SLCO3A1: variants seen among roughly 807,000 people sequenced by gnomAD.
The protein encoded by SLCO3A1 is solute carrier organic anion transporter family member 3A1.
SLCO3A1 carries 27 observed loss-of-function variants against 63.1 expected under a neutral mutation model. The observed-to-expected ratio is 0.43, with a 90% CI of 0.32 to 0.59. SLCO3A1 has a LOEUF of 0.59. Ranked by LOEUF, SLCO3A1 falls within the 20% of genes least tolerant of loss-of-function variation. The pLI is 0.09. For synonymous variants in SLCO3A1, 473 were observed against 409.9 expected, an observed-to-expected ratio of 1.15 and a Z score of -1.86; for missense variants, 773 against 945.8, an observed-to-expected ratio of 0.82 and a Z score of 2.40.
intron 2 of SLCO3A1, among the ~76,000 whole-genome samples, chr15:92,074,374 C>A (rs1483909697): frequency 6.6e-6 from 1 of 152,188 alleles, no homozygotes; most frequent in African/African-American, 2.4e-5. Context: ...CAATTTGTCT[C>A]TTCCCTCTCC....
intron 2 of SLCO3A1, among the ~76,000 whole-genome samples, chr15:92,079,277 C>T (rs1266712532): frequency 6.6e-6 from 1 of 152,204 alleles, no homozygotes; most frequent in Non-Finnish European, 1.5e-5. Context: ...AGTGTTGGCC[C>T]ACATGATCCC....
chr15:91,921,456 A>G (rs1164196375), intron 2 of SLCO3A1, among the ~76,000 whole-genome samples: 1 of 151,952 alleles, frequency 6.6e-6, no homozygotes, highest in Non-Finnish European at 1.5e-5. Context: ...TACCAAACCA[A>G]GACTACACTC....
intron 2 of SLCO3A1, among the ~76,000 whole-genome samples, chr15:91,965,864 G>A (rs1241811644): frequency 6.6e-6 from 1 of 152,078 alleles, no homozygotes; most frequent in Non-Finnish European, 1.5e-5. Context: ...TTAGTCGATT[G>A]AGCCAGTCCA....
At chr15:92,001,152 A>G (rs987827611) in intron 2 of SLCO3A1, among the ~76,000 whole-genome samples, 10 of 139,716 alleles carry the variant, frequency 7.2e-5, no homozygotes, top group African/African-American at 2.7e-4. Flanking sequence ...ACAACCTTAA[A>G]CCATTTTCTC....
intron 4 of SLCO3A1, among the ~76,000 whole-genome samples, chr15:92,118,292 G>GTTA (rs1567129638): frequency 6.6e-6 from 1 of 152,180 alleles, no homozygotes; most frequent in African/African-American, 2.4e-5. Context: ...ACCAGCTCTG[G>GTTA]TTATCATCTG....
intron 8 of SLCO3A1, among the ~76,000 whole-genome samples, chr15:92,150,294 G>A (rs373414079): frequency 6.6e-6 from 1 of 152,290 alleles, no homozygotes; most frequent in East Asian, 1.9e-4. Flanking sequence ...CCAGATTGAG[G>A]CTGGGTCTGC....
intron 2 of SLCO3A1, among the ~76,000 whole-genome samples, chr15:92,087,101 C>A (rs1171242081): frequency 1.3e-5 from 2 of 152,006 alleles, no homozygotes; most frequent in African/African-American, 4.8e-5. Context: ...GTCTCTGATC[C>A]ACCTGGAATT....
intron 2 of SLCO3A1, among the ~76,000 whole-genome samples, chr15:91,932,101 C>T (rs1597133051): frequency 6.6e-6 from 1 of 152,138 alleles, no homozygotes; most frequent in East Asian, 1.9e-4. Flanking sequence ...TATGATTGTT[C>T]ACTTCATCTT....
At chr15:91,975,291 G>C (rs1238267357) in intron 2 of SLCO3A1, among the ~76,000 whole-genome samples, 2 of 152,102 alleles carry the variant, frequency 1.3e-5, no homozygotes, top group Admixed American at 1.3e-4. Context: ...TTTGCCTGGA[G>C]CTGGCATGAT....
intron 2 of SLCO3A1, among the ~76,000 whole-genome samples, chr15:91,971,171 G>A (rs1206070912): frequency 2.6e-5 from 4 of 151,788 alleles, no homozygotes; most frequent in South Asian, 2.1e-4. Context: ...CGAGGCGGGC[G>A]GATCATGGGA....
chr15:92,004,661 T>C (rs1390332874), intron 2 of SLCO3A1, among the ~76,000 whole-genome samples: 1 of 152,226 alleles, frequency 6.6e-6, no homozygotes, highest in Non-Finnish European at 1.5e-5. Flanking sequence ...GGAAGGACAC[T>C]TTGAGTTTGG....
rs1442541961 is a variant in SLCO3A1, at chr15:91,859,945, G to T, written c.180+5857G>T. Among the ~76,000 whole-genome samples, 1 of 152,138 alleles carries T rather than the reference G, an allele frequency of 6.6e-6. No homozygotes were observed. Among genetic ancestry groups the T allele is most frequent in the Non-Finnish European group, 1.5e-5 (1 of 68,020 alleles). On this transcript the variant is annotated intron_variant, in intron 1 of 9. Coordinates refer to ENST00000318445, the MANE Select transcript of SLCO3A1 (RefSeq NM_013272.4). This position sits in a 1 kb window ranked among gnomAD's most constrained non-coding sequence, Gnocchi z 5.1. The stretch of plus-strand genomic sequence containing the variant: ...CTATTCTACATGGACATTTTTGTCT[G>T]GGAGGTAAAAAGTTTTTAAGGGCAA...
intron 7 of SLCO3A1, among the ~76,000 whole-genome samples, chr15:92,141,915 G>A (rs987349005): frequency 6.6e-6 from 1 of 152,180 alleles, no homozygotes; most frequent in African/African-American, 2.4e-5. Context: ...TCCCCTGCTG[G>A]AGAGGTTGCA....
Position 91,900,061 on chromosome 15 carries a change from C to T in SLCO3A1, c.181-15932C>T, listed in dbSNP as rs920239596. On this transcript the variant is annotated intron_variant, in intron 1 of 9. Transcript: ENST00000318445. The surrounding 1 kb of genome is among the most constrained non-coding windows in gnomAD (Gnocchi z 4.3). The stretch of plus-strand genomic sequence containing the variant: ...ACATTTTGTTTCTCTGTTAACCATT[C>T]ATGGATGTTTGAGTTGTTCCCAATG... Among the ~76,000 whole-genome samples, 1 of 152,086 alleles carries T rather than the reference C, an allele frequency of 6.6e-6. No individual in the cohort carries two copies. The highest frequency in any genetic ancestry group is 1.5e-5 in the Non-Finnish European group (1 of 68,004).
At position 91,986,941 on chromosome 15, in the gene SLCO3A1, G is replaced by T. The variant is rs144349127; in HGVS notation, c.646+70483G>T. ...CCCATAAATTCTGGTAGCTGTCAGC[G>T]GTCAAGAGAGAGGAAGGTTGGTGGT... is the stretch of plus-strand genomic sequence containing the variant. On this transcript the variant is annotated intron_variant, in intron 2 of 9. Transcript: ENST00000318445. 2.6e-5 allele frequency among the ~76,000 whole-genome samples: 4 copies of T among 152,250 alleles called. No homozygotes were observed. In the East Asian group the frequency reaches 7.7e-4, roughly 29 times the overall value.
chr15:91,906,438 G>A (rs1898311215), intron 1 of SLCO3A1, among the ~76,000 whole-genome samples: 1 of 152,204 alleles, frequency 6.6e-6, no homozygotes, highest in Admixed American at 6.5e-5. Context: ...TGCCTATCCA[G>A]CCCCTGGCAT....
At chr15:92,025,184 T>A (rs1044333328) in intron 2 of SLCO3A1, among the ~76,000 whole-genome samples, 1 of 148,578 alleles carries the variant, frequency 6.7e-6, no homozygotes, top group East Asian at 2.0e-4. Context: ...TTTTTTTTGC[T>A]TTTAAAAAAT....
chr15:92,120,734 G>A, intron 5 of SLCO3A1, 105 bp downstream of exon 5: 1 of 916,228 alleles, frequency 1.1e-6, no homozygotes, highest in East Asian at 2.5e-5. Flanking sequence ...TCTGCTCTGG[G>A]CCTACAGCAA....
At chr15:92,051,834 A>G (rs2046961592) in intron 2 of SLCO3A1, among the ~76,000 whole-genome samples, 1 of 152,244 alleles carries the variant, frequency 6.6e-6, no homozygotes, top group Non-Finnish European at 1.5e-5. Context: ...CAAGCTGGAC[A>G]GAAACAAAAG....
Sources: gnomAD v4.1 joint callset for allele counts (sites outside exome capture counted in the v4.1 genomes callset) on GRCh38, gnomAD v4.1.1 for gene constraint, Gnocchi (gnomAD v3.1) non-coding constraint, MANE v1.5 for transcripts, NCBI Gene and HGNC (gene_info 2026-07-23, HGNC 2026-07-21) for gene names.